Variants in INPP1 observed in about 807,000 individuals in gnomAD.
INPP1 encodes inositol polyphosphate-1-phosphatase.
In INPP1, 18 loss-of-function variants were observed where a neutral mutation model predicts 23.0. That is an observed-to-expected ratio of 0.78 (90% CI 0.54 to 1.16). The LOEUF (loss-of-function observed/expected upper bound fraction) is 1.16, where lower values mean the gene tolerates loss of function less well. Ranked by LOEUF, INPP1 falls within the 50% of genes most tolerant of loss-of-function variation. The pLI is 0.00. For synonymous variants in INPP1, 164 were observed against 176.3 expected, an observed-to-expected ratio of 0.93 and a Z score of 0.55; for missense variants, 448 against 482.1, an observed-to-expected ratio of 0.93 and a Z score of 0.66.
chr2:190,365,406 C>T (rs541934727), intron 4 of INPP1, among the ~76,000 whole-genome samples: 6 of 152,274 alleles, frequency 3.9e-5, no homozygotes, highest in Admixed American at 6.5e-5. Context: ...AGAAGCACTT[C>T]GGTGTGTTGA....
At chr2:190,357,578 G>A (rs974136467) in intron 2 of INPP1, among the ~76,000 whole-genome samples, 1 of 152,100 alleles carries the variant, frequency 6.6e-6, no homozygotes, top group Non-Finnish European at 1.5e-5. Context: ...TTTACCAACT[G>A]TATAGTATTT....
rs1689740124 is a variant in INPP1, at chr2:190,368,871, T to C, written c.467-232T>C. ...AATGCCTGTTATATACAAATTGCTA[T>C]GCCACAGGAACTATAGACACATCCT... On this transcript the variant is annotated intron_variant, in intron 5 of 6. Transcript: ENST00000392329. The surrounding 1 kb of genome is among the most constrained non-coding windows in gnomAD (Gnocchi z 4.3). The C allele has an allele frequency of 3.0e-6, 1 of 329,956 alleles. No homozygotes were observed. The highest frequency in any genetic ancestry group is 5.5e-6 in the Non-Finnish European group (1 of 181,834). 20.4% of individuals were successfully genotyped at this position (329,956 alleles called of 1,614,324 possible). A position where few individuals can be genotyped will look rare whatever the true frequency, so the allele number is the denominator to read the frequency against.
In INPP1 at chr2:190,371,039, G is replaced by C. The variant is rs758885172; in HGVS notation, c.837G>C (p.Val279=). Residue 279 remains valine (V), a synonymous_variant, in exon 7 of 7, where the codon GTG becomes GTC. Transcript: ENST00000392329. The surrounding 1 kb of genome is among the most constrained non-coding windows in gnomAD (Gnocchi z 5.3). The part of the protein sequence containing the change: ...KETIKAALSR[V]CGDRIFGAAG... ...CTATCAAAGCTGCATTGTCACGTGTGTGTGGAGATCGCATATTTGGGGCAG... is the reference window on the plus strand; with the variant it reads ...CTATCAAAGCTGCATTGTCACGTGTCTGTGGAGATCGCATATTTGGGGCAG... 4 of 1,614,232 alleles carry C rather than the reference G, an allele frequency of 2.5e-6. No homozygotes were observed. In the South Asian group the frequency reaches 3.3e-5, roughly 13 times the overall value.
intron 1 of INPP1, among the ~76,000 whole-genome samples, chr2:190,347,409 A>T (rs1689240380): frequency 6.6e-6 from 1 of 152,198 alleles, no homozygotes; most frequent in Non-Finnish European, 1.5e-5. Context: ...ATATAAAAAA[A>T]TTAAAGAAAT....
chr2:190,348,499 T>G (rs2165407), intron 1 of INPP1, among the ~76,000 whole-genome samples: 1 of 152,186 alleles, frequency 6.6e-6, no homozygotes, highest in Non-Finnish European at 1.5e-5. Context: ...ATGTCCAGAA[T>G]TTTTTCATCA....
chr2:190,362,647 TA>T lies in INPP1; in HGVS notation c.226del (p.Ile76PhefsTer19). On this transcript the variant is annotated frameshift_variant, in exon 4 of 7. Coordinates refer to ENST00000392329, the MANE Select transcript of INPP1 (RefSeq NM_001128928.2). LOFTEE classifies it high-confidence loss of function. ...TTCAGTTTCCAGGCTTGGAAAAAAA[TA>T]TTTTTGGAGAAGAATCCAATGAGTT... ...ENKFPGLEKN[I>X]FGEESNEFTN... The T allele has an allele frequency of 6.2e-7, 1 of 1,608,170 alleles. No individual in the cohort carries two copies. The highest frequency in any genetic ancestry group is 8.5e-7 in the Non-Finnish European group (1 of 1,176,544).
rs757559467 is a variant in INPP1, at chr2:190,364,555, A to AT, written c.265+1871dup. On this transcript the variant is annotated intron_variant, in intron 4 of 6. Transcript: ENST00000392329. ...AGACTCCGTCTCAAAAAAAAAAAAA[A>AT]TTTCAGTAGGTCTGGGGTGGCATCT... Among the ~76,000 whole-genome samples, 37 of 136,434 alleles carry AT rather than the reference A, an allele frequency of 2.7e-4. 1 individual carries two copies. Among genetic ancestry groups the AT allele is most frequent in the African/African-American group, 1.0e-3 (37 of 36,396 alleles). 89.5% of individuals were successfully genotyped at this position (136,434 alleles called of 152,430 possible). A position where few individuals can be genotyped will look rare whatever the true frequency, so the allele number is the denominator to read the frequency against.
At position 190,370,978 on chromosome 2, in the gene INPP1, G is replaced by T. The variant is rs1452255132; in HGVS notation, c.776G>T (p.Ser259Ile). The T allele has an allele frequency of 1.2e-6, 2 of 1,614,016 alleles. No individual in the cohort carries two copies. The highest frequency in any genetic ancestry group is 3.3e-5 in the Admixed American group (2 of 59,990). Residue 259 changes from serine to isoleucine, a missense_variant, in exon 7 of 7, where the codon AGT becomes ATT. Physicochemically the swap from Ser to Ile is moderately radical, Grantham distance 142. Coordinates refer to ENST00000392329, the MANE Select transcript of INPP1 (RefSeq NM_001128928.2). Reference protein sequence around the residue: ...NTGSEAAFSPSFSAVISTSEK... With the variant: ...NTGSEAAFSPIFSAVISTSEK... ...GGCTCTGAGGCAGCATTCTCCCCCAGTTTTTCAGCCGTAATTAGTACAAGT... is the reference window on the plus strand; with the variant it reads ...GGCTCTGAGGCAGCATTCTCCCCCATTTTTTCAGCCGTAATTAGTACAAGT...
In INPP1 at chr2:190,368,104, C is replaced by T. The variant is rs1689720656; in HGVS notation, c.467-999C>T. Among the ~76,000 whole-genome samples, 1 of 152,174 alleles carries T rather than the reference C, an allele frequency of 6.6e-6. No individual in the cohort carries two copies. Among genetic ancestry groups the T allele is most frequent in the South Asian group, 2.1e-4 (1 of 4,826 alleles). On this transcript the variant is annotated intron_variant, in intron 5 of 6. Transcript: ENST00000392329. The surrounding 1 kb of genome is among the most constrained non-coding windows in gnomAD (Gnocchi z 4.3). ...GTGGATGATATATGGAAACTAAAAA[C>T]CTTTCCCCAAATCTTTGATCATTTA...
rs1390137595 is a variant in INPP1, at chr2:190,356,817, G to T, written c.-64-3222G>T. On this transcript the variant is annotated intron_variant, in intron 2 of 6. Coordinates refer to ENST00000392329, the MANE Select transcript of INPP1 (RefSeq NM_001128928.2). The surrounding 1 kb of genome is among the most constrained non-coding windows in gnomAD (Gnocchi z 6.4). Reference sequence around the variant, plus strand: ...TTCACGCTACTGTTAAGGTAAAGAGGTATTTTGATACTGTTGATTCATTGA... The same window carrying T: ...TTCACGCTACTGTTAAGGTAAAGAGTTATTTTGATACTGTTGATTCATTGA... 1.3e-5 allele frequency: 2 copies of T among 152,146 alleles called. No individual in the cohort carries two copies. Among genetic ancestry groups the T allele is most frequent in the Non-Finnish European group, 2.9e-5 (2 of 68,032 alleles). 9.4% of individuals were successfully genotyped at this position (152,146 alleles called of 1,614,324 possible). A position where few individuals can be genotyped will look rare whatever the true frequency, so the allele number is the denominator to read the frequency against.
chr2:190,360,071 C>A lies in INPP1; in HGVS notation c.-32C>A. 2 of 1,606,500 alleles carry A rather than the reference C, an allele frequency of 1.2e-6. No individual in the cohort carries two copies. The highest frequency in any genetic ancestry group is 1.7e-6 in the Non-Finnish European group (2 of 1,175,130). On this transcript the variant is annotated 5_prime_UTR_variant, in exon 3 of 7. Transcript: ENST00000392329. ...CCCAGAGGGTGGGTGCCAATTCCAC[C>A]AGCAGCTGCAACTGAAAAGCAAGGT...
chr2:190,348,478 C>T (rs1245105437), intron 1 of INPP1, among the ~76,000 whole-genome samples: 1 of 152,108 alleles, frequency 6.6e-6, no homozygotes, highest in African/African-American at 2.4e-5. Flanking sequence ...ATGCAACCAT[C>T]AGCACTGTTC....
chr2:190,348,626 T>G (rs898462647), intron 1 of INPP1, among the ~76,000 whole-genome samples: 1 of 152,336 alleles, frequency 6.6e-6, no homozygotes, highest in South Asian at 2.1e-4. Context: ...CTCATACAAG[T>G]GGAATCATAG....
intron 4 of INPP1, among the ~76,000 whole-genome samples, chr2:190,366,416 T>TCTCC (rs1462807950): frequency 8.1e-5 from 2 of 24,664 alleles, no homozygotes; most frequent in Non-Finnish European, 1.4e-4. Flanking sequence ...TTGCTCTCAC[T>TCTCC]CTGTCTCACT....
intron 1 of INPP1, among the ~76,000 whole-genome samples, chr2:190,347,608 G>C (rs996580716): frequency 1.3e-5 from 2 of 151,842 alleles, no homozygotes; most frequent in African/African-American, 4.8e-5. Context: ...TTAAAATATA[G>C]TAAATTATCC....
In INPP1 at chr2:190,371,152, C is replaced by G; in HGVS notation, c.950C>G (p.Ser317Cys). Residue 317 changes from serine to cysteine, a missense_variant, in exon 7 of 7, where the codon TCT becomes TGT. Ser to Cys is a moderately radical substitution (Grantham distance 112, BLOSUM62 -1). Coordinates refer to ENST00000392329, the MANE Select transcript of INPP1 (RefSeq NM_001128928.2). This position sits in a 1 kb window ranked among gnomAD's most constrained non-coding sequence, Gnocchi z 5.3. ...FSEDTTFKWD[S>C]CAAHAILRAM... ...GAAGATACCACATTCAAATGGGACT[C>G]TTGTGCTGCTCATGCCATACTGAGG... is the stretch of plus-strand genomic sequence containing the variant. 2.5e-6 allele frequency: 4 copies of G among 1,614,174 alleles called. No individual in the cohort carries two copies. The highest frequency in any genetic ancestry group is 3.4e-6 in the Non-Finnish European group (4 of 1,180,036).
chr2:190,357,596 C>T (rs1689442484), intron 2 of INPP1, among the ~76,000 whole-genome samples: 1 of 152,170 alleles, frequency 6.6e-6, no homozygotes, highest in Non-Finnish European at 1.5e-5. Flanking sequence ...TTTTGTTTTA[C>T]CAATATTTCA....
At chr2:190,360,000 C>A in intron 2 of INPP1, 39 bp from the exon 3 acceptor site, 1 of 1,218,468 alleles carries the variant, frequency 8.2e-7, no homozygotes, top group Non-Finnish European at 1.2e-6. Flanking sequence ...ACATCACTCT[C>A]TGAACTGCTT....
chr2:190,356,100 G>A lies in INPP1; in HGVS notation c.-64-3939G>A, dbSNP rs1053173493. ...TCAAGGTTAGGATGAATTGTGCAATGCTTCCTTCAGGTTTGTGGCCTGCCT... is the reference window on the plus strand; with the variant it reads ...TCAAGGTTAGGATGAATTGTGCAATACTTCCTTCAGGTTTGTGGCCTGCCT... On this transcript the variant is annotated intron_variant, in intron 2 of 6. Coordinates refer to ENST00000392329, the MANE Select transcript of INPP1 (RefSeq NM_001128928.2). This position sits in a 1 kb window ranked among gnomAD's most constrained non-coding sequence, Gnocchi z 6.4. 5.3e-5 allele frequency among the ~76,000 whole-genome samples: 8 copies of A among 152,192 alleles called. No homozygotes were observed. The highest frequency in any genetic ancestry group is 1.0e-4 in the Non-Finnish European group (7 of 68,030).
Sources: gnomAD v4.1 joint callset for allele counts (sites outside exome capture counted in the v4.1 genomes callset) on GRCh38, gnomAD v4.1.1 for gene constraint, Gnocchi (gnomAD v3.1) non-coding constraint, MANE v1.5 for transcripts, NCBI Gene and HGNC (gene_info 2026-07-23, HGNC 2026-07-21) for gene names.